The following SPOCK1 variants were observed in gnomAD, a reference collection of about 807,000 sequenced individuals.
The protein encoded by SPOCK1 is SPARC (osteonectin), cwcv and kazal like domains proteoglycan 1, also known as testican-1.
Under a neutral mutation model 55.3 loss-of-function variants are expected in SPOCK1, and 23 were observed. The observed-to-expected ratio is 0.42, with a 90% CI of 0.30 to 0.59. The LOEUF is 0.59. Among genes scored for constraint, SPOCK1 ranks in the 20% least tolerant of loss-of-function variants. The pLI is 0.22. For missense variants in SPOCK1, 499 were observed against 552.5 expected (o/e 0.90, Z 0.97); for synonymous variants, 226 against 221.0 (o/e 1.02, Z -0.20).
At position 137,455,836 on chromosome 5, in the gene SPOCK1, C is replaced by A. The variant is rs189356148; in HGVS notation, c.186+42537G>T. Reference sequence around the variant, plus strand: ...TTGAGCCCAAAAGTTCTAGACCAGCCTAGGCAACATAACAAAACTCCACCT... The same window carrying A: ...TTGAGCCCAAAAGTTCTAGACCAGCATAGGCAACATAACAAAACTCCACCT... On this transcript the variant is annotated intron_variant, in intron 2 of 10. Transcript: ENST00000394945. Among the ~76,000 whole-genome samples, 66 of 152,084 alleles carry A rather than the reference C, an allele frequency of 4.3e-4. 1 individual carries two copies. The highest frequency in any genetic ancestry group is 3.4e-3 in the Middle Eastern group (1 of 294).
At chr5:137,032,020 T>C (rs187235414) in intron 6 of SPOCK1, among the ~76,000 whole-genome samples, 33 of 147,826 alleles carry the variant, frequency 2.2e-4, no homozygotes, top group African/African-American at 7.6e-4. Context: ...AAGAAATATA[T>C]ATATATTCCC....
chr5:137,457,496 G>A (rs1387672813), intron 2 of SPOCK1, among the ~76,000 whole-genome samples: 1 of 142,898 alleles, frequency 7.0e-6, no homozygotes, highest in East Asian at 2.0e-4. Context: ...CTCATACTCT[G>A]GATTGACTAT....
chr5:137,448,247 T>G (rs1268312208), intron 2 of SPOCK1, among the ~76,000 whole-genome samples: 1 of 152,140 alleles, frequency 6.6e-6, no homozygotes, highest in Non-Finnish European at 1.5e-5. Flanking sequence ...AGACTTCATC[T>G]CAAAAAAAAT....
At position 137,204,331 on chromosome 5, in the gene SPOCK1, A is replaced by G. The variant is rs148402981; in HGVS notation, c.232+62679T>C. Reference sequence around the variant, plus strand: ...TAAACCTGATGGAACAAAACCTAAAATGCTTCATGCATCCCCACTCTGTGT... The same window carrying G: ...TAAACCTGATGGAACAAAACCTAAAGTGCTTCATGCATCCCCACTCTGTGT... On this transcript the variant is annotated intron_variant, in intron 3 of 10. Transcript: ENST00000394945. 2.3e-3 allele frequency among the ~76,000 whole-genome samples: 344 copies of G among 152,318 alleles called. 2 individuals are homozygous for G. The highest frequency in any genetic ancestry group is 6.7e-3 in the African/African-American group (279 of 41,580).
Position 137,223,496 on chromosome 5 carries a change from C to T in SPOCK1, c.232+43514G>A, listed in dbSNP as rs75508805. On this transcript the variant is annotated intron_variant, in intron 3 of 10. Transcript: ENST00000394945. The stretch of plus-strand genomic sequence containing the variant: ...TTTCCTCTTTCCTCACAATTGACTA[C>T]GTAGTTGGCTGTCTTAATTCCAGGG... Among the ~76,000 whole-genome samples, 7 of 152,238 alleles carry T rather than the reference C, an allele frequency of 4.6e-5. No homozygotes were observed. The South Asian group carries it at 6.2e-4, about 14-fold the overall frequency.
rs114586749 is a variant in SPOCK1, at chr5:137,492,128, G to A, written c.186+6245C>T. ...CCCTTCTACCATCCATCAACAGTGG[G>A]ATCCAATGAAACCCCTCCACCACTC... On this transcript the variant is annotated intron_variant, in intron 2 of 10. Transcript: ENST00000394945. Among the ~76,000 whole-genome samples the A allele has an allele frequency of 7.2e-3, 1,090 of 152,198 alleles. 9 individuals are homozygous for A. Among genetic ancestry groups the A allele is most frequent in the African/African-American group, 0.025 (1,029 of 41,522 alleles).
At chr5:137,119,542 G>T (rs1289508404) in intron 4 of SPOCK1, among the ~76,000 whole-genome samples, 1 of 152,174 alleles carries the variant, frequency 6.6e-6, no homozygotes, top group African/African-American at 2.4e-5. Flanking sequence ...CCATCGTGGG[G>T]TATGTGGGCT....
intron 3 of SPOCK1, among the ~76,000 whole-genome samples, chr5:137,194,248 A>G (rs2127072072): frequency 6.6e-6 from 1 of 152,292 alleles, no homozygotes; most frequent in South Asian, 2.1e-4. Flanking sequence ...TTCTTCCTTC[A>G]TGCTTTGCAG....
In SPOCK1 at chr5:137,460,311, G is replaced by A. The variant is rs117572814; in HGVS notation, c.186+38062C>T. Among the ~76,000 whole-genome samples the A allele has an allele frequency of 2.3e-3, 349 of 152,182 alleles. 8 individuals are homozygous for A. The East Asian group carries it at 0.038, about 16-fold the overall frequency. On this transcript the variant is annotated intron_variant, in intron 2 of 10. Coordinates refer to ENST00000394945, the MANE Select transcript of SPOCK1 (RefSeq NM_004598.4). ...GACCAGGACTCCTCTGAAAATCTCCGCCCCTGTATGCTTAACAATCTTCAC... is the reference window on the plus strand; with the variant it reads ...GACCAGGACTCCTCTGAAAATCTCCACCCCTGTATGCTTAACAATCTTCAC...
chr5:137,053,791 GC>G (rs1561592209), intron 6 of SPOCK1, among the ~76,000 whole-genome samples: 1 of 152,146 alleles, frequency 6.6e-6, no homozygotes, highest in African/African-American at 2.4e-5. Flanking sequence ...AAAAGCAAAA[GC>G]TTTCTTAGAA....
intron 2 of SPOCK1, among the ~76,000 whole-genome samples, chr5:137,288,209 A>G (rs763028305): frequency 1.3e-5 from 2 of 152,174 alleles, no homozygotes; most frequent in South Asian, 4.1e-4. Flanking sequence ...GGCAGCTTCT[A>G]TCTCAATTTT....
chr5:137,302,604 A>G (rs976792245), intron 2 of SPOCK1, among the ~76,000 whole-genome samples: 1 of 151,120 alleles, frequency 6.6e-6, no homozygotes, highest in East Asian at 1.9e-4. Flanking sequence ...ATAAATAAAT[A>G]AATAAATAAA....
At chr5:137,029,478 C>A (rs905011275) in intron 6 of SPOCK1, among the ~76,000 whole-genome samples, 3 of 152,284 alleles carry the variant, frequency 2.0e-5, no homozygotes, top group Non-Finnish European at 2.9e-5. Flanking sequence ...TTTATTTATC[C>A]ATTTTAAATA....
Position 137,137,467 on chromosome 5 carries a change from G to T in SPOCK1, c.347+3113C>A, listed in dbSNP as rs181717507. On this transcript the variant is annotated intron_variant, in intron 4 of 10. Coordinates refer to ENST00000394945, the MANE Select transcript of SPOCK1 (RefSeq NM_004598.4). ...CTGATATCGTGGACTGAGTAATTCA[G>T]CCTCTAAGAGGAAGACAAGGAAGGC... is the stretch of plus-strand genomic sequence containing the variant. Among the ~76,000 whole-genome samples the T allele has an allele frequency of 9.9e-4, 151 of 152,306 alleles. 4 individuals are homozygous for T. In the Middle Eastern group the frequency reaches 0.024, roughly 24 times the overall value.
intron 6 of SPOCK1, among the ~76,000 whole-genome samples, chr5:137,017,650 A>C (rs997376777): frequency 6.6e-6 from 1 of 152,214 alleles, no homozygotes; most frequent in Non-Finnish European, 1.5e-5. Flanking sequence ...TTATTTTAAA[A>C]GAAAAAAGTT....
At chr5:137,156,685 G>A (rs1211780477) in intron 3 of SPOCK1, among the ~76,000 whole-genome samples, 8 of 152,150 alleles carry the variant, frequency 5.3e-5, no homozygotes, top group Admixed American at 5.2e-4. Flanking sequence ...TGGTATATAT[G>A]ACCTCAAGGA....
intron 6 of SPOCK1, among the ~76,000 whole-genome samples, chr5:137,042,496 T>C (rs1219670602): frequency 1.3e-5 from 2 of 152,136 alleles, no homozygotes; most frequent in Admixed American, 1.3e-4. Flanking sequence ...GATCCTAGGA[T>C]GTAATGCAGA....
At chr5:137,466,699 T>G (rs551976308) in intron 2 of SPOCK1, among the ~76,000 whole-genome samples, 28 of 152,338 alleles carry the variant, frequency 1.8e-4, no homozygotes, top group African/African-American at 6.5e-4. Context: ...CTTAAGTGTT[T>G]AGCACAAGAC....
At chr5:137,238,170 C>A (rs973416222) in intron 3 of SPOCK1, among the ~76,000 whole-genome samples, 5 of 152,200 alleles carry the variant, frequency 3.3e-5, no homozygotes, top group Admixed American at 2.0e-4. Context: ...ACCCAAGCTA[C>A]TTATATTACA....
Sources: gnomAD v4.1 joint callset for allele counts (sites outside exome capture counted in the v4.1 genomes callset) on GRCh38, gnomAD v4.1.1 for gene constraint, MANE v1.5 for transcripts, NCBI Gene and HGNC (gene_info 2026-07-23, HGNC 2026-07-21) for gene names.